The following SLC12A9 variants were observed in gnomAD, a reference collection of about 807,000 sequenced individuals.
SLC12A9 encodes solute carrier family 12 member 9, also known as CCC-interacting protein 1.
In SLC12A9, 55 loss-of-function variants were observed where a neutral mutation model predicts 66.0. That is an observed-to-expected ratio of 0.83 (90% CI 0.67 to 1.04). The LOEUF (loss-of-function observed/expected upper bound fraction) is 1.04, where lower values mean the gene tolerates loss of function less well. SLC12A9 is among the 50% of genes least tolerant of loss of function. The pLI, the probability that SLC12A9 is intolerant of heterozygous loss-of-function variation, is 0.00. For synonymous variants in SLC12A9, 577 were observed against 569.0 expected, an observed-to-expected ratio of 1.01 and a Z score of -0.20; for missense variants, 1,061 against 1,241.9, an observed-to-expected ratio of 0.85 and a Z score of 2.19.
chr7:100,861,228 C>G lies in SLC12A9; in HGVS notation c.1309C>G (p.Leu437Val). 6.2e-7 allele frequency: 1 copy of G among 1,614,250 alleles called. No homozygotes were observed. Among genetic ancestry groups the G allele is most frequent in the Non-Finnish European group, 8.5e-7 (1 of 1,180,042 alleles). ...VAYAAVDLSC[L>V]SLEWASAPNF... ...CTATGCTGCCGTGGACCTGTCCTGC[C>G]TGAGCCTGGAGTGGGCCTCGGCCCC... Residue 437 changes from leucine to valine, a missense_variant, in exon 10 of 14, where the codon CTG becomes GTG. Transcript: ENST00000354161. The surrounding 1 kb of genome is among the most constrained non-coding windows in gnomAD (Gnocchi z 5.3).
At chr7:100,836,187 G>T (rs1395826809) in intron 1 of SLC12A9, among the ~76,000 whole-genome samples, 1 of 152,224 alleles carries the variant, frequency 6.6e-6, no homozygotes, top group Non-Finnish European at 1.5e-5. Context: ...GCAGGCAGGA[G>T]GCTGGCTCTA....
chr7:100,854,758 T>C lies in SLC12A9; in HGVS notation c.316+4T>C. The C allele has an allele frequency of 6.2e-7, 1 of 1,613,808 alleles. No individual in the cohort carries two copies. The highest frequency in any genetic ancestry group is 2.2e-5 in the East Asian group (1 of 44,886). ...GTGCAGGGGGGCGGAGCCTACTGTATCCTCCAACATCGATGGACTGGGGTC... is the reference window on the plus strand; with the variant it reads ...GTGCAGGGGGGCGGAGCCTACTGTACCCTCCAACATCGATGGACTGGGGTC... On this transcript the variant is annotated splice_donor_region_variant and intron_variant, in intron 3 of 13. Transcript: ENST00000354161.
intron 1 of SLC12A9, among the ~76,000 whole-genome samples, chr7:100,833,097 T>C (rs1042149513): frequency 2.7e-4 from 41 of 152,116 alleles, no homozygotes; most frequent in African/African-American, 9.9e-4. Flanking sequence ...TTTTATTTTA[T>C]TTTTATTTTT....
upstream of SLC12A9, among the ~76,000 whole-genome samples, chr7:100,848,606 G>T (rs972653656): frequency 6.6e-6 from 1 of 152,132 alleles, no homozygotes; most frequent in African/African-American, 2.4e-5. Flanking sequence ...TTGAAAAGAG[G>T]TTGGGCGCAG....
intron 1 of SLC12A9, among the ~76,000 whole-genome samples, chr7:100,833,271 G>T (rs1283647782): frequency 6.9e-6 from 1 of 144,602 alleles, no homozygotes; most frequent in East Asian, 2.2e-4. Flanking sequence ...ATCACCTGAG[G>T]TTGGGAGTTC....
upstream of SLC12A9, among the ~76,000 whole-genome samples, chr7:100,849,917 G>T (rs1213905277): frequency 1.3e-5 from 2 of 151,228 alleles, no homozygotes; most frequent in Non-Finnish European, 2.9e-5. Flanking sequence ...CTGTCACCCA[G>T]GCTGGAGTAC....
upstream of SLC12A9, among the ~76,000 whole-genome samples, chr7:100,851,653 C>G (rs1584688431): frequency 1.3e-5 from 2 of 151,464 alleles, no homozygotes; most frequent in Admixed American, 6.6e-5. Context: ...ATTAGCCAGG[C>G]GTGGTGTGTG....
chr7:100,860,852 A>C (rs970844943), intron 9 of SLC12A9: 8 of 505,194 alleles, frequency 1.6e-5, no homozygotes, highest in South Asian at 1.5e-4. Flanking sequence ...GTACACTGGC[A>C]CTTTCTGGGG....
intron 5 of SLC12A9, 40 bp from the exon 6 acceptor site, chr7:100,858,795 G>C (rs760743351): frequency 2.5e-6 from 4 of 1,601,804 alleles, no homozygotes. Flanking sequence ...TCCCTGAGAC[G>C]GATGCTGATG....
chr7:100,835,847 A>T (rs1813645652), intron 1 of SLC12A9, among the ~76,000 whole-genome samples: 1 of 152,366 alleles, frequency 6.6e-6, no homozygotes, highest in African/African-American at 2.4e-5. Flanking sequence ...TGAGCTGATA[A>T]GAATGAGAGA....
At position 100,840,644 on chromosome 7, in the gene SLC12A9, A is replaced by C. The variant is rs533940653; in HGVS notation, n.228+13597A>C. On this transcript the variant is annotated intron_variant and non_coding_transcript_variant, in intron 1 of 1. Coordinates refer to the SLC12A9 transcript ENST00000461016. ...GACAGACAGAGAGGGAGTCAAGGAG[A>C]GAGAGAAAGACAGAGAGAAAGAAAT... Among the ~76,000 whole-genome samples, 29 of 152,148 alleles carry C rather than the reference A, an allele frequency of 1.9e-4. No homozygotes were observed. In the South Asian group the frequency reaches 2.7e-3, roughly 14 times the overall value.
At chr7:100,855,354 T>A (rs1311035803) in intron 3 of SLC12A9, 1 of 290,992 alleles carries the variant, frequency 3.4e-6, no homozygotes, top group Non-Finnish European at 6.6e-6. Flanking sequence ...ATTCCTGGCC[T>A]CAAGTGATCC....
intron 1 of SLC12A9, among the ~76,000 whole-genome samples, chr7:100,841,029 C>A (rs1813778062): frequency 6.6e-6 from 1 of 151,384 alleles, no homozygotes; most frequent in South Asian, 2.1e-4. Flanking sequence ...TTAGAGGAAA[C>A]CTCATTGTGA....
Position 100,861,792 on chromosome 7 carries a change from G to A in SLC12A9, c.1592G>A (p.Arg531Gln), listed in dbSNP as rs769808948. 2.5e-6 allele frequency: 4 copies of A among 1,613,804 alleles called. No homozygotes were observed. Among genetic ancestry groups the A allele is most frequent in the Non-Finnish European group, 3.4e-6 (4 of 1,179,964 alleles). The part of the protein sequence containing the change: ...DVRKDHVKFW[R>Q]PQLLLLVGNP... ...CGGAAGGATCACGTGAAGTTCTGGC[G>A]GCCCCAGCTGCTGCTCCTGGTGGGG... is the stretch of plus-strand genomic sequence containing the variant. The change falls in exon 12 of 14, where the codon CGG becomes CAG. Residue 531 changes from arginine (R) to glutamine (Q), a missense_variant. Physicochemically the swap from Arg to Gln is conservative, Grantham distance 43 (BLOSUM62 1). Coordinates refer to ENST00000354161, the MANE Select transcript of SLC12A9 (RefSeq NM_020246.4). The surrounding 1 kb of genome is among the most constrained non-coding windows in gnomAD (Gnocchi z 5.3).
At chr7:100,839,977 A>T (rs1055135539) in intron 1 of SLC12A9, among the ~76,000 whole-genome samples, 2 of 149,948 alleles carry the variant, frequency 1.3e-5, no homozygotes, top group African/African-American at 4.9e-5. Flanking sequence ...AAACTTGCCC[A>T]CTGCATTTAA....
intron 13 of SLC12A9, chr7:100,865,460 A>G: frequency 6.5e-7 from 1 of 1,535,470 alleles, no homozygotes; most frequent in Non-Finnish European, 8.7e-7. Flanking sequence ...ATTAGTGGCA[A>G]GAATCCTAAG....
intron 1 of SLC12A9, among the ~76,000 whole-genome samples, chr7:100,834,699 T>C (rs1423351595): frequency 6.6e-6 from 1 of 150,880 alleles, no homozygotes; most frequent in Non-Finnish European, 1.5e-5. Flanking sequence ...CTGGGCAACA[T>C]GATGAATCCT....
intron 12 of SLC12A9, 76 bp from the exon 13 acceptor site, chr7:100,862,605 C>A (rs942900125): frequency 6.4e-7 from 1 of 1,561,506 alleles, no homozygotes. Flanking sequence ...TGCCCAGGCC[C>A]GTCTGTGATT....
chr7:100,861,747 A>T lies in SLC12A9; in HGVS notation c.1547A>T (p.Tyr516Phe), dbSNP rs2116632514. Residue 516 changes from tyrosine (Y) to phenylalanine (F), a missense_variant, in exon 12 of 14, where the codon TAT becomes TTT. Transcript: ENST00000354161. This position sits in a 1 kb window ranked among gnomAD's most constrained non-coding sequence, Gnocchi z 5.3. ...CACCCCTATACCCAGGTGCGTAAGT[A>T]TCTGCTTCGGCTGGACGTCCGGAAG... is the stretch of plus-strand genomic sequence containing the variant. ...QALLFHQVRK[Y>F]LLRLDVRKDH... The T allele has an allele frequency of 1.2e-6, 2 of 1,614,140 alleles. No individual in the cohort carries two copies. The highest frequency in any genetic ancestry group is 1.6e-4 in the Middle Eastern group (1 of 6,062).
Sources: gnomAD v4.1 joint callset for allele counts (sites outside exome capture counted in the v4.1 genomes callset) on GRCh38, gnomAD v4.1.1 for gene constraint, Gnocchi (gnomAD v3.1) non-coding constraint, MANE v1.5 for transcripts, NCBI Gene and HGNC (gene_info 2026-07-23, HGNC 2026-07-21) for gene names.